Variants in AGBL1 observed in about 807,000 individuals in gnomAD.
The protein encoded by AGBL1 is cytosolic carboxypeptidase 4.
AGBL1 carries 130 observed loss-of-function variants against 118.9 expected under a neutral mutation model. The ratio of observed to expected loss-of-function variants is 1.09; its 90% CI spans 0.95 to 1.26. The LOEUF is 1.26. Among genes scored for constraint, AGBL1 ranks in the 50% most tolerant of loss-of-function variants. AGBL1 has a pLI of 0.00. For missense variants in AGBL1, 1,584 were observed against 1,298.1 expected (o/e 1.22, Z -3.38); for synonymous variants, 555 against 478.9 (o/e 1.16, Z -2.08).
chr15:86,394,467 G>C (rs912644241), intron 17 of AGBL1, among the ~76,000 whole-genome samples: 1 of 152,038 alleles, frequency 6.6e-6, no homozygotes, highest in Non-Finnish European at 1.5e-5. Flanking sequence ...GTCATTCAAG[G>C]TAATATTATT....
intron 22 of AGBL1, among the ~76,000 whole-genome samples, chr15:86,894,525 C>T (rs2080095442): frequency 6.6e-6 from 1 of 152,100 alleles, no homozygotes; most frequent in Non-Finnish European, 1.5e-5. Context: ...TGGACACGGG[C>T]TGTGTTGCTC....
intron 5 of AGBL1, among the ~76,000 whole-genome samples, chr15:86,172,740 C>A (rs2077432862): frequency 2.0e-5 from 3 of 152,114 alleles, no homozygotes; most frequent in Admixed American, 2.0e-4. Flanking sequence ...TTAAAAAATC[C>A]ATTTATCTGT....
intron 19 of AGBL1, among the ~76,000 whole-genome samples, chr15:86,526,919 A>G (rs2083275579): frequency 6.6e-6 from 1 of 152,170 alleles, no homozygotes; most frequent in Non-Finnish European, 1.5e-5. Context: ...TATTCAGGTG[A>G]TAGGTACACT....
intron 22 of AGBL1, among the ~76,000 whole-genome samples, chr15:86,754,985 G>T (rs150652447): frequency 6.6e-6 from 1 of 152,160 alleles, no homozygotes; most frequent in East Asian, 1.9e-4. Flanking sequence ...GAGAAGGAGG[G>T]GGTATATGAT....
intron 17 of AGBL1, among the ~76,000 whole-genome samples, chr15:86,307,268 G>C (rs2079855213): frequency 6.6e-6 from 1 of 151,972 alleles, no homozygotes; most frequent in African/African-American, 2.4e-5. Context: ...TATTATGTTA[G>C]ATGATTTGTT....
intron 18 of AGBL1, among the ~76,000 whole-genome samples, chr15:86,436,304 A>G (rs1174787204): frequency 6.6e-6 from 1 of 152,000 alleles, no homozygotes; most frequent in African/African-American, 2.4e-5. Context: ...GAGAAAGGGC[A>G]GGGCTGCAAC....
At chr15:86,344,709 G>A (rs1272528126) in intron 17 of AGBL1, among the ~76,000 whole-genome samples, 2 of 151,932 alleles carry the variant, frequency 1.3e-5, no homozygotes, top group Non-Finnish European at 2.9e-5. Flanking sequence ...ATGTGATTTT[G>A]ATTATAAAAT....
At chr15:86,953,828 C>T (rs148368468) in intron 23 of AGBL1, among the ~76,000 whole-genome samples, 21 of 152,234 alleles carry the variant, frequency 1.4e-4, no homozygotes, top group African/African-American at 5.1e-4. Context: ...TTGGAAGAGT[C>T]TTTAGGGTTT....
intron 16 of AGBL1, among the ~76,000 whole-genome samples, chr15:86,286,064 A>C (rs1045905440): frequency 6.6e-5 from 10 of 151,922 alleles, no homozygotes; most frequent in Middle Eastern, 3.4e-3. Context: ...AATGACGACT[A>C]CTGCTTTTTG....
Position 86,095,049 on chromosome 15 carries a change from CT to C in AGBL1, c.51+15030del, listed in dbSNP as rs564514174. ...ACAGCTCCCAGAACTCAGGAAAGCA[CT>C]TTTATTTACATTTACCAGTTTATGA... is the stretch of plus-strand genomic sequence containing the variant. On this transcript the variant is annotated intron_variant, in intron 1 of 22. Transcript: ENST00000614907. Among the ~76,000 whole-genome samples, 338 of 152,172 alleles carry C rather than the reference CT, an allele frequency of 2.2e-3. 15 individuals carry two copies. The South Asian group carries it at 0.066, about 30-fold the overall frequency.
chr15:86,725,820 A>C (rs779437602), intron 22 of AGBL1, among the ~76,000 whole-genome samples: 10 of 152,224 alleles, frequency 6.6e-5, no homozygotes, highest in Non-Finnish European at 1.0e-4. Flanking sequence ...GTACAAAGGC[A>C]TGCACACACA....
Position 86,191,344 on chromosome 15 carries a change from GTCTCAAAAAAAAAAAAA to G in AGBL1, c.488+32319_488+32335del, listed in dbSNP as rs2077716684. On this transcript the variant is annotated intron_variant, in intron 5 of 22. Transcript: ENST00000614907. ...GCCTGGGCGACAGGAGCAAAACTTT[GTCTCAAAAAAAAAAAAA>G]AAAAAAAAAGAGAGAGAGAGAAATT... Among the ~76,000 whole-genome samples, 12 of 24,200 alleles carry G rather than the reference GTCTCAAAAAAAAAAAAA, an allele frequency of 5.0e-4. No individual in the cohort carries two copies. In the South Asian group the frequency reaches 0.017, roughly 34 times the overall value. The allele number at this position is 24,200 out of a possible 152,430, so 15.9% of individuals were successfully genotyped here. A position where few individuals can be genotyped will look rare whatever the true frequency, so the allele number is the denominator to read the frequency against.
intron 22 of AGBL1, among the ~76,000 whole-genome samples, chr15:86,737,998 T>A (rs951630213): frequency 6.6e-6 from 1 of 152,076 alleles, no homozygotes; most frequent in South Asian, 2.1e-4. Flanking sequence ...CATACACAGA[T>A]AAATAAATGT....
intron 21 of AGBL1, among the ~76,000 whole-genome samples, chr15:86,565,525 G>C (rs150959366): frequency 1.3e-5 from 2 of 152,214 alleles, no homozygotes; most frequent in African/African-American, 2.4e-5. Context: ...GCCATGTGAC[G>C]TGTCAGTCTG....
At chr15:86,254,209 G>C (rs1264193695) in intron 7 of AGBL1, among the ~76,000 whole-genome samples, 1 of 152,176 alleles carries the variant, frequency 6.6e-6, no homozygotes, top group African/African-American at 2.4e-5. Context: ...ATGAAACTAA[G>C]GATGCCTTCT....
At chr15:86,146,072 C>A (rs1033587993) in intron 3 of AGBL1, among the ~76,000 whole-genome samples, 1 of 152,198 alleles carries the variant, frequency 6.6e-6, no homozygotes, top group Admixed American at 6.5e-5. Flanking sequence ...GGGTTTCAGG[C>A]CTGGCCCTGA....
intron 1 of AGBL1, among the ~76,000 whole-genome samples, chr15:86,128,705 ATC>A (rs2076780236): frequency 6.6e-6 from 1 of 152,096 alleles, no homozygotes; most frequent in Admixed American, 6.6e-5. Context: ...CCCTTTCTTT[ATC>A]TCTTTTTCTT....
chr15:86,403,432 A>G (rs1242802016), intron 18 of AGBL1, among the ~76,000 whole-genome samples: 2 of 152,220 alleles, frequency 1.3e-5, no homozygotes, highest in Admixed American at 6.5e-5. Context: ...AGTTGAATGC[A>G]CTAGAGGAAA....
intron 4 of AGBL1, among the ~76,000 whole-genome samples, chr15:86,158,184 C>A (rs2077218189): frequency 6.6e-6 from 1 of 152,128 alleles, no homozygotes; most frequent in Admixed American, 6.6e-5. Context: ...CAGGAACATG[C>A]ACTCTGCAAT....
Sources: allele counts gnomAD v4.1 joint callset (sites outside exome capture counted in the v4.1 genomes callset), GRCh38; gene constraint gnomAD v4.1.1; transcripts MANE v1.5; gene names NCBI Gene and HGNC (gene_info 2026-07-23, HGNC 2026-07-21).